The following SPATA6 variants were observed in gnomAD, a reference collection of about 807,000 sequenced individuals.
SPATA6 encodes spermatogenesis associated 6.
Under a neutral mutation model 65.3 loss-of-function variants are expected in SPATA6, and 56 were observed. That is an observed-to-expected ratio of 0.86 (90% CI 0.69 to 1.07). The LOEUF (loss-of-function observed/expected upper bound fraction) is 1.07, where lower values mean the gene tolerates loss of function less well. SPATA6 is among the 50% of genes least tolerant of loss of function. SPATA6 has a pLI of 0.00. For synonymous variants in SPATA6, 199 were observed against 213.2 expected (o/e 0.93, Z 0.58); for missense variants, 590 against 594.8 (o/e 0.99, Z 0.08).
chr1:48,375,723 T>G (rs1647814068), intron 9 of SPATA6, among the ~76,000 whole-genome samples: 1 of 152,176 alleles, frequency 6.6e-6, no homozygotes, highest in African/African-American at 2.4e-5. Flanking sequence ...TATTTCAGTC[T>G]AGGTCCATGC....
Position 48,472,024 on chromosome 1 carries a change from C to G in SPATA6, c.-16G>C. On this transcript the variant is annotated 5_prime_UTR_variant, in exon 1 of 13. Transcript: ENST00000371847. ...CCTTCGGCATCCGTGCGGGGAGGGGCGGCGGGGAGTGACCCCGGCCACGGG... is the reference window on the plus strand; with the variant it reads ...CCTTCGGCATCCGTGCGGGGAGGGGGGGCGGGGAGTGACCCCGGCCACGGG... The G allele has an allele frequency of 1.4e-6, 2 of 1,404,754 alleles. No homozygotes were observed. The highest frequency in any genetic ancestry group is 1.9e-6 in the Non-Finnish European group (2 of 1,067,974). 87.0% of individuals were successfully genotyped at this position (1,404,754 alleles called of 1,614,324 possible).
At chr1:48,278,775 A>T in the SPATA6 span, among the ~76,000 whole-genome samples, 16 of 152,342 alleles carry the variant, frequency 1.1e-4, no homozygotes, top group Admixed American at 3.3e-4. Flanking sequence ...ATTATCCAGG[A>T]GAACTTCCCC....
At chr1:48,423,061 G>T (rs549888046) in intron 3 of SPATA6, among the ~76,000 whole-genome samples, 1 of 152,046 alleles carries the variant, frequency 6.6e-6, no homozygotes, top group Admixed American at 6.6e-5. Context: ...ACAGACACTA[G>T]GTTTAGTTAA....
the SPATA6 span, among the ~76,000 whole-genome samples, chr1:48,265,950 A>T: frequency 2.6e-5 from 4 of 152,184 alleles, no homozygotes. Flanking sequence ...GTTCTTCACA[A>T]ATTATGACAA....
intron 9 of SPATA6, among the ~76,000 whole-genome samples, chr1:48,381,309 T>C (rs1011460695): frequency 2.6e-5 from 4 of 152,174 alleles, no homozygotes; most frequent in Non-Finnish European, 5.9e-5. Flanking sequence ...CTTAGATAGA[T>C]GGCAAAAGAG....
chr1:48,444,817 C>T (rs527680252), intron 3 of SPATA6, among the ~76,000 whole-genome samples: 4 of 152,104 alleles, frequency 2.6e-5, no homozygotes, highest in African/African-American at 7.2e-5. Flanking sequence ...TTGAAGTCAG[C>T]GAGACCAAGA....
chr1:48,465,122 T>C (rs1264184218), intron 1 of SPATA6, among the ~76,000 whole-genome samples: 1 of 152,078 alleles, frequency 6.6e-6, no homozygotes, highest in African/African-American at 2.4e-5. Flanking sequence ...CCAAAATATA[T>C]TTAACAAGAA....
chr1:48,399,539 T>C lies in SPATA6; in HGVS notation c.592A>G (p.Lys198Glu). Residue 198 changes from lysine (K) to glutamate (E), a missense_variant, in exon 7 of 13, where the codon AAA becomes GAA. Physicochemically the swap from Lys to Glu is moderately conservative, Grantham distance 56. Transcript: ENST00000371847. ...TAGTTTTTTGCATTTATACAGTATT[T>C]ACTTCTCTCAGGTGACTTGGATTTT... ...KKKSKSPERS[K>E]YCINAKNYEQ... is the part of the protein sequence containing the mutation. 6.2e-7 allele frequency: 1 copy of C among 1,613,236 alleles called. No individual in the cohort carries two copies. Among genetic ancestry groups the C allele is most frequent in the Non-Finnish European group, 8.5e-7 (1 of 1,179,420 alleles).
intron 1 of SPATA6, among the ~76,000 whole-genome samples, chr1:48,466,788 C>T (rs1657842514): frequency 6.6e-6 from 1 of 151,878 alleles, no homozygotes; most frequent in Non-Finnish European, 1.5e-5. Context: ...ATAAGGATCA[C>T]AAAGATAAAT....
intron 1 of SPATA6, among the ~76,000 whole-genome samples, chr1:48,469,305 CTAT>C (rs1335367943): frequency 6.6e-6 from 1 of 152,112 alleles, no homozygotes; most frequent in Non-Finnish European, 1.5e-5. Flanking sequence ...ATTCATTGAA[CTAT>C]TCTTCTAAGT....
chr1:48,312,874 C>G (rs1022939591), intron 11 of SPATA6, among the ~76,000 whole-genome samples: 1 of 152,230 alleles, frequency 6.6e-6, no homozygotes, highest in Admixed American at 6.5e-5. Context: ...AGCTGAAAAC[C>G]ACGGCAAGAG....
chr1:48,367,482 GT>G (rs1647061999), intron 9 of SPATA6, among the ~76,000 whole-genome samples: 1 of 152,316 alleles, frequency 6.6e-6, no homozygotes, highest in Middle Eastern at 3.4e-3. Flanking sequence ...GCATGCTCCT[GT>G]ATTTGGTGCA....
the SPATA6 span, among the ~76,000 whole-genome samples, chr1:48,266,622 A>C: frequency 2.0e-5 from 3 of 152,230 alleles, no homozygotes; most frequent in African/African-American, 7.2e-5. Context: ...AAATTCACTA[A>C]AGTCAAATGT....
chr1:48,327,518 T>C (rs374053503), intron 11 of SPATA6, among the ~76,000 whole-genome samples: 2 of 152,180 alleles, frequency 1.3e-5, no homozygotes, highest in East Asian at 3.8e-4. Flanking sequence ...GGAAAATAAA[T>C]AATTACATTA....
chr1:48,418,575 A>AT (rs1653010338), intron 3 of SPATA6, among the ~76,000 whole-genome samples: 1 of 135,022 alleles, frequency 7.4e-6, no homozygotes, highest in Non-Finnish European at 1.6e-5. Context: ...AAAAAAAAAA[A>AT]AAATTAGCTG....
At chr1:48,338,763 TAAAATAAGCTAATCC>T (rs1646128446) in intron 11 of SPATA6, among the ~76,000 whole-genome samples, 1 of 151,972 alleles carries the variant, frequency 6.6e-6, no homozygotes, top group Non-Finnish European at 1.5e-5. Context: ...AGGTTGGGGG[TAAAATAAGCTAATCC>T]AAAATCTCTG....
At chr1:48,422,004 G>C (rs1198756914) in intron 3 of SPATA6, among the ~76,000 whole-genome samples, 3 of 152,092 alleles carry the variant, frequency 2.0e-5, no homozygotes, top group Non-Finnish European at 4.4e-5. Flanking sequence ...GTATCAAATG[G>C]AAAGAATATA....
intron 11 of SPATA6, among the ~76,000 whole-genome samples, chr1:48,311,592 G>C (rs1017965762): frequency 6.6e-6 from 1 of 152,122 alleles, no homozygotes; most frequent in Admixed American, 6.6e-5. Context: ...AACTTAGGGA[G>C]CCAAGATAGC....
chr1:48,442,734 A>T (rs902202800), intron 3 of SPATA6, among the ~76,000 whole-genome samples: 4 of 150,048 alleles, frequency 2.7e-5, no homozygotes, highest in African/African-American at 7.3e-5. Context: ...AAAAAAAAAA[A>T]AAAAAAAAAA....
Sources: gnomAD v4.1 joint callset for allele counts (sites outside exome capture counted in the v4.1 genomes callset) on GRCh38, gnomAD v4.1.1 for gene constraint, MANE v1.5 for transcripts, NCBI Gene and HGNC (gene_info 2026-07-23, HGNC 2026-07-21) for gene names.